Variants in DOK5 observed in about 807,000 individuals in gnomAD.
DOK5 encodes the protein downstream of tyrosine kinase 5.
A neutral mutation model predicts 43.3 loss-of-function variants in DOK5; 27 were observed. The ratio of observed to expected loss-of-function variants is 0.62; its 90% CI spans 0.46 to 0.86. The LOEUF is 0.86. DOK5 is among the 40% of genes least tolerant of loss of function. The pLI is 0.00. For missense variants in DOK5, 373 were observed against 392.9 expected (o/e 0.95, Z 0.43); for synonymous variants, 146 against 140.1 (o/e 1.04, Z -0.30).
intron 1 of DOK5, among the ~76,000 whole-genome samples, chr20:54,525,024 A>C (rs908734821): frequency 7.2e-5 from 11 of 152,216 alleles, no homozygotes; most frequent in African/African-American, 2.7e-4. Context: ...GTCCAGTGGG[A>C]GAGCAGGCGG....
chr20:54,581,151 A>C (rs937725326), intron 2 of DOK5, among the ~76,000 whole-genome samples: 1 of 152,088 alleles, frequency 6.6e-6, no homozygotes, highest in East Asian at 1.9e-4. Context: ...CCTGTTGTAT[A>C]AACTTGGCAC....
chr20:54,540,940 G>A (rs1184657691), intron 1 of DOK5, among the ~76,000 whole-genome samples: 1 of 152,144 alleles, frequency 6.6e-6, no homozygotes, highest in East Asian at 1.9e-4. Context: ...TATACACAAT[G>A]TATACAGAAC....
chr20:54,568,957 G>A (rs1027786586), intron 2 of DOK5, among the ~76,000 whole-genome samples: 13 of 110,328 alleles, frequency 1.2e-4, no homozygotes, highest in African/African-American at 2.6e-4. Flanking sequence ...ATAAATAAAC[G>A]TTTCTGAAAT....
At chr20:54,631,769 C>G (rs1368438007) in intron 6 of DOK5, among the ~76,000 whole-genome samples, 1 of 152,030 alleles carries the variant, frequency 6.6e-6, no homozygotes, top group Admixed American at 6.6e-5. Context: ...GTCAAGAGAT[C>G]GAGACCATCC....
intron 2 of DOK5, among the ~76,000 whole-genome samples, chr20:54,574,535 G>C (rs1329487159): frequency 1.3e-5 from 2 of 152,136 alleles, no homozygotes; most frequent in Admixed American, 6.5e-5. Context: ...TAAACAGGCA[G>C]AGTAAATTCT....
intron 6 of DOK5, among the ~76,000 whole-genome samples, chr20:54,620,667 A>T (rs6068918): frequency 0.022 from 3,419 of 152,286 alleles, 52 homozygotes; most frequent in Non-Finnish European, 0.034. Flanking sequence ...ATTGAAATTA[A>T]ATCCACACAT....
At chr20:54,640,610 T>C (rs879682673) in intron 6 of DOK5, among the ~76,000 whole-genome samples, 7 of 152,270 alleles carry the variant, frequency 4.6e-5, no homozygotes, top group Non-Finnish European at 7.3e-5. Flanking sequence ...CCCGGCTTTG[T>C]ACCGTTCTCC....
At chr20:54,591,883 G>A (rs1985988501) in intron 5 of DOK5, 78 bp downstream of exon 5, 2 of 1,318,648 alleles carry the variant, frequency 1.5e-6, no homozygotes, top group Non-Finnish European at 2.1e-6. Flanking sequence ...CGCATCATAT[G>A]AGGCGGTAGG....
At chr20:54,496,786 A>G (rs1190520148) in intron 1 of DOK5, among the ~76,000 whole-genome samples, 1 of 150,630 alleles carries the variant, frequency 6.6e-6, no homozygotes, top group Non-Finnish European at 1.5e-5. Context: ...AAAAAAAAAA[A>G]GAAAAAAATG....
chr20:54,598,878 G>T (rs915949827), intron 5 of DOK5, among the ~76,000 whole-genome samples: 2 of 152,068 alleles, frequency 1.3e-5, no homozygotes, highest in African/African-American at 4.8e-5. Flanking sequence ...AAAATAATTT[G>T]TTTTTTTGTA....
intron 1 of DOK5, among the ~76,000 whole-genome samples, chr20:54,482,944 T>C (rs1200422685): frequency 6.6e-6 from 1 of 152,158 alleles, no homozygotes; most frequent in East Asian, 1.9e-4. Context: ...GTAGGGAAAT[T>C]TATGGCCAGA....
chr20:54,612,094 A>C (rs534477724), intron 6 of DOK5, among the ~76,000 whole-genome samples: 7 of 152,344 alleles, frequency 4.6e-5, no homozygotes, highest in South Asian at 4.1e-4. Context: ...ATTTCATATA[A>C]TTTTCACATG....
intron 7 of DOK5, among the ~76,000 whole-genome samples, chr20:54,644,722 A>ACAAAAAAAAAAC (rs750143945): frequency 1.4e-5 from 2 of 146,568 alleles, no homozygotes; most frequent in African/African-American, 5.1e-5. Flanking sequence ...AAAAAAAAAA[A>ACAAAAAAAAAAC]AACAAAATTT....
At chr20:54,544,774 T>G (rs925757058) in intron 1 of DOK5, among the ~76,000 whole-genome samples, 13 of 152,004 alleles carry the variant, frequency 8.6e-5, no homozygotes, top group Non-Finnish European at 1.6e-4. Context: ...ACAGGATCAG[T>G]TGAGTCAAGA....
At chr20:54,553,782 A>G (rs1057361321) in intron 1 of DOK5, among the ~76,000 whole-genome samples, 2 of 151,018 alleles carry the variant, frequency 1.3e-5, no homozygotes, top group African/African-American at 4.9e-5. Flanking sequence ...CTGTAATTCC[A>G]GCTACTCAGG....
intron 5 of DOK5, 98 bp downstream of exon 5, chr20:54,591,903 G>A (rs867236374): frequency 2.8e-6 from 3 of 1,052,820 alleles, no homozygotes; most frequent in African/African-American, 1.6e-5. Flanking sequence ...GTTTACATAT[G>A]AGATCCAGCT....
intron 6 of DOK5, among the ~76,000 whole-genome samples, chr20:54,625,359 G>A (rs1987103036): frequency 6.6e-6 from 1 of 152,186 alleles, no homozygotes. Context: ...TTTCCAGATG[G>A]TGGGGGCAGC....
intron 1 of DOK5, among the ~76,000 whole-genome samples, chr20:54,484,795 C>T (rs542831812): frequency 6.6e-6 from 1 of 152,338 alleles, no homozygotes; most frequent in East Asian, 1.9e-4. Flanking sequence ...AGAAGGGCCA[C>T]TTGAGCCCAG....
chr20:54,568,856 C>T (rs937450603), intron 2 of DOK5, among the ~76,000 whole-genome samples: 5 of 151,738 alleles, frequency 3.3e-5, no homozygotes, highest in Middle Eastern at 6.8e-3. Flanking sequence ...CCCGTGAACC[C>T]GGGAGGCGGA....
Sources: gnomAD v4.1 joint callset for allele counts (sites outside exome capture counted in the v4.1 genomes callset) on GRCh38, gnomAD v4.1.1 for gene constraint, MANE v1.5 for transcripts, NCBI Gene and HGNC (gene_info 2026-07-23, HGNC 2026-07-21) for gene names.